Variants in DENND2B observed in about 807,000 individuals in gnomAD.
The protein encoded by DENND2B is DENN domain-containing protein 2B.
Under a neutral mutation model 116.0 loss-of-function variants are expected in DENND2B, and 32 were observed. The observed-to-expected ratio is 0.28, with a 90% confidence interval of 0.21 to 0.37. The LOEUF is 0.37. Ranked by LOEUF, DENND2B falls within the 10% of genes least tolerant of loss-of-function variation. DENND2B has a pLI of 1.00. For synonymous variants in DENND2B, 588 were observed against 583.9 expected, an observed-to-expected ratio of 1.01 and a Z score of -0.10; for missense variants, 1,276 against 1,477.7, an observed-to-expected ratio of 0.86 and a Z score of 2.24.
At position 8,885,625 on chromosome 11, in the gene DENND2B, T is replaced by C. The variant is rs561711727; in HGVS notation, c.-255-4516A>G. On this transcript the variant is annotated intron_variant, in intron 1 of 22. Coordinates refer to the DENND2B transcript ENST00000534127. ...CTACATAATGAGTATTTAAAACATTTAGAAACAAATTGGCTCCCAATAAGG... is the reference window on the plus strand; with the variant it reads ...CTACATAATGAGTATTTAAAACATTCAGAAACAAATTGGCTCCCAATAAGG... Among the ~76,000 whole-genome samples the C allele has an allele frequency of 1.1e-3, 167 of 152,348 alleles. 2 individuals are homozygous for C. The highest frequency in any genetic ancestry group is 3.8e-3 in the African/African-American group (159 of 41,582).
In DENND2B at chr11:8,773,248, A is replaced by C. The variant is rs184709634; in HGVS notation, c.-25-22523T>G. Reference sequence around the variant, plus strand: ...GCTACCTAGGGATATTCTCCTGCCTACAGCCAGCCAGCCTGCCTGCCTGCA... The same window carrying C: ...GCTACCTAGGGATATTCTCCTGCCTCCAGCCAGCCAGCCTGCCTGCCTGCA... On this transcript the variant is annotated intron_variant, in intron 1 of 19. Coordinates refer to ENST00000313726, the MANE Select transcript of DENND2B (RefSeq NM_213618.2). Among the ~76,000 whole-genome samples the C allele has an allele frequency of 1.5e-3, 232 of 152,040 alleles. 1 individual carries two copies. The highest frequency in any genetic ancestry group is 2.5e-3 in the Non-Finnish European group (171 of 67,960).
chr11:8,884,316 GT>G (rs1343247269), intron 1 of DENND2B, among the ~76,000 whole-genome samples: 1 of 149,778 alleles, frequency 6.7e-6, no homozygotes, highest in African/African-American at 2.4e-5. Flanking sequence ...GACTTCCTTT[GT>G]TTTTTTGTTG....
upstream of DENND2B, among the ~76,000 whole-genome samples, chr11:8,812,486 A>AT (rs558804695): frequency 1.4e-3 from 204 of 148,208 alleles, no homozygotes; most frequent in African/African-American, 3.9e-3. Context: ...AATTTAACAG[A>AT]TTTTTTTTTT....
At chr11:8,733,138 C>T (rs906346316) in intron 2 of DENND2B, among the ~76,000 whole-genome samples, 2 of 152,242 alleles carry the variant, frequency 1.3e-5, no homozygotes, top group Non-Finnish European at 2.9e-5. Context: ...ACCAAAGAGG[C>T]TCTGCTCAGT....
chr11:8,817,398 T>G (rs2061604962), intron 4 of DENND2B, among the ~76,000 whole-genome samples: 1 of 152,026 alleles, frequency 6.6e-6, no homozygotes, highest in South Asian at 2.1e-4. Context: ...CACACAAACT[T>G]TGCTTGCACA....
intron 11 of DENND2B, 92 bp downstream of exon 11, chr11:8,710,753 G>GCACA (rs56230708): frequency 0.052 from 42,632 of 821,470 alleles, 485 homozygotes; most frequent in African/African-American, 0.064. Context: ...TTGCAGAAGG[G>GCACA]CACACACACA....
At chr11:8,694,279 A>G (rs2039917599) in intron 19 of DENND2B, 149 bp from the exon 20 acceptor site, 3 of 904,350 alleles carry the variant, frequency 3.3e-6, no homozygotes, top group Non-Finnish European at 5.1e-6. Context: ...GGGTAGTGAA[A>G]ACACGTGAGA....
chr11:8,746,654 C>T (rs1187870968), intron 2 of DENND2B, among the ~76,000 whole-genome samples: 1 of 152,052 alleles, frequency 6.6e-6, no homozygotes, highest in Non-Finnish European at 1.5e-5. Flanking sequence ...TAATTGTATC[C>T]AGATTGGCAG....
At chr11:8,893,671 C>G (rs1270222468) in intron 1 of DENND2B, among the ~76,000 whole-genome samples, 1 of 152,098 alleles carries the variant, frequency 6.6e-6, no homozygotes, top group Non-Finnish European at 1.5e-5. Flanking sequence ...AATAAAATAC[C>G]TAGTAATCCA....
rs1292088855 is a variant in DENND2B at position 8,730,088 on chromosome 11, T to C, written c.1202A>G (p.Asn401Ser). Residue 401 changes from asparagine (N) to serine (S), a missense_variant, in exon 3 of 20, where the codon AAC (asparagine) becomes AGC (serine). By Grantham distance (46) the Asn-to-Ser change is conservative. Transcript: ENST00000313726. This position sits in a 1 kb window ranked among gnomAD's most constrained non-coding sequence, Gnocchi z 4.1. ...KRTFEYEADK[N>S]PKSKPSNGLP... is the part of the protein sequence containing the mutation. ...ACCATTACTGGGCTTACTCTTGGGG[T>C]TCTTGTCAGCCTCGTATTCAAAGGT... is the stretch of plus-strand genomic sequence containing the variant. 1 of 1,613,970 alleles carries C rather than the reference T, an allele frequency of 6.2e-7. No individual in the cohort carries two copies. Among genetic ancestry groups the C allele is most frequent in the East Asian group, 2.2e-5 (1 of 44,892 alleles).
intron 1 of DENND2B, chr11:8,783,927 G>A (rs1177791547): frequency 1.3e-5 from 2 of 152,266 alleles, no homozygotes; most frequent in Non-Finnish European, 2.9e-5. Flanking sequence ...ACAGCTGGGA[G>A]AGCTGTTTGT....
intron 4 of DENND2B, among the ~76,000 whole-genome samples, chr11:8,825,371 GT>G (rs528771449): frequency 2.3e-4 from 34 of 148,554 alleles, no homozygotes; most frequent in African/African-American, 6.2e-4. Context: ...TTAAAAATGG[GT>G]TTTTTTTTTC....
chr11:8,762,361 C>T (rs957791540), intron 1 of DENND2B, among the ~76,000 whole-genome samples: 5 of 152,180 alleles, frequency 3.3e-5, no homozygotes, highest in African/African-American at 1.2e-4. Context: ...GTAGAACTGC[C>T]CTCCCTAGAT....
chr11:8,854,899 G>A (rs1005416870), intron 3 of DENND2B, among the ~76,000 whole-genome samples: 1 of 152,214 alleles, frequency 6.6e-6, no homozygotes, highest in East Asian at 1.9e-4. Flanking sequence ...TTTTAGTAGA[G>A]ATGGGTTTTG....
At chr11:8,710,752 G>GGCACAC in intron 11 of DENND2B, 93 bp downstream of exon 11, 1 of 970,136 alleles carries the variant, frequency 1.0e-6, no homozygotes, top group Non-Finnish European at 1.4e-6. Flanking sequence ...ATTGCAGAAG[G>GGCACAC]GCACACACAC....
In DENND2B at chr11:8,693,877, C is replaced by A; in HGVS notation, c.*219G>T. ...CCCTTGGGAATATACAAATATTTGC[C>A]ATATTCTCTTTGCTTGTTACAAAAA... On this transcript the variant is annotated 3_prime_UTR_variant, in exon 20 of 20. Transcript: ENST00000313726. 1 of 525,016 alleles carries A rather than the reference C, an allele frequency of 1.9e-6. No homozygotes were observed. Among genetic ancestry groups the A allele is most frequent in the Non-Finnish European group, 3.4e-6 (1 of 297,224 alleles). The allele number at this position is 525,016 out of a possible 1,614,324, so 32.5% of individuals were successfully genotyped here.
chr11:8,726,268 G>A (rs1308869126), intron 3 of DENND2B, 59 bp from the exon 4 acceptor site: 2 of 1,551,980 alleles, frequency 1.3e-6, no homozygotes, highest in East Asian at 4.5e-5. Context: ...TGCCTTGCTG[G>A]GGAATGTCCA....
intron 9 of DENND2B, among the ~76,000 whole-genome samples, chr11:8,711,437 A>T (rs2043658242): frequency 6.6e-6 from 1 of 152,144 alleles, no homozygotes; most frequent in South Asian, 2.1e-4. Context: ...TCTATATGGC[A>T]TCTGACACGG....
chr11:8,893,060 G>A (rs2064054233), intron 1 of DENND2B, among the ~76,000 whole-genome samples: 1 of 152,058 alleles, frequency 6.6e-6, no homozygotes, highest in Admixed American at 6.6e-5. Context: ...TGATCAAGTG[G>A]GCTTCATCCC....
Sources: gnomAD v4.1 joint callset for allele counts (sites outside exome capture counted in the v4.1 genomes callset) on GRCh38, gnomAD v4.1.1 for gene constraint, Gnocchi (gnomAD v3.1) non-coding constraint, MANE v1.5 for transcripts, NCBI Gene and HGNC (gene_info 2026-07-23, HGNC 2026-07-21) for gene names.